The following RELN variants were observed in gnomAD, a reference collection of about 807,000 sequenced individuals.
The protein encoded by RELN is reelin.
A neutral mutation model predicts 427.6 loss-of-function variants in RELN; 108 were observed. That is an observed-to-expected ratio of 0.25 (90% CI 0.22 to 0.30). RELN has a LOEUF of 0.30. Ranked by LOEUF, RELN falls within the 10% of genes least tolerant of loss-of-function variation. RELN has a pLI of 1.00. For synonymous variants in RELN, 1,524 were observed against 1,513.4 expected, an observed-to-expected ratio of 1.01 and a Z score of -0.16; for missense variants, 3,715 against 4,302.8, an observed-to-expected ratio of 0.86 and a Z score of 3.82.
At chr7:103,758,949 G>A (rs1791228108) in intron 4 of RELN, among the ~76,000 whole-genome samples, 1 of 151,872 alleles carries the variant, frequency 6.6e-6, no homozygotes, top group Admixed American at 6.6e-5. Flanking sequence ...AGATGCTTGA[G>A]TATTATTAAG....
At chr7:103,629,043 G>A (rs1408882702) in intron 20 of RELN, among the ~76,000 whole-genome samples, 2 of 152,174 alleles carry the variant, frequency 1.3e-5, no homozygotes, top group African/African-American at 4.8e-5. Context: ...TGTGTGCACT[G>A]CAGTTTCCTG....
intron 3 of RELN, among the ~76,000 whole-genome samples, chr7:103,807,632 G>T (rs560091195): frequency 7.9e-5 from 12 of 152,038 alleles, no homozygotes; most frequent in African/African-American, 2.9e-4. Flanking sequence ...CTCTCAAGCA[G>T]TCCCCAGTGT....
chr7:103,610,542 T>C (rs765060948), intron 22 of RELN, among the ~76,000 whole-genome samples, 153 bp downstream of exon 22: 1 of 152,204 alleles, frequency 6.6e-6, no homozygotes, highest in Non-Finnish European at 1.5e-5. Flanking sequence ...AAGGTTTTGG[T>C]CTTTTGATAA....
chr7:103,965,917 T>A (rs569640195), intron 1 of RELN, among the ~76,000 whole-genome samples: 32 of 152,324 alleles, frequency 2.1e-4, no homozygotes, highest in African/African-American at 7.0e-4. Flanking sequence ...ATTTGAATTA[T>A]TCATAGCTAT....
chr7:103,533,462 CATATTGTTCTA>C (rs66658218), intron 46 of RELN, among the ~76,000 whole-genome samples: 25,928 of 151,944 alleles, frequency 0.17, 3,164 homozygotes, highest in African/African-American at 0.34. Flanking sequence ...CTGAGACTGG[CATATTGTTCTA>C]ATGATCTTTG....
intron 38 of RELN, 44 bp from the exon 39 acceptor site, chr7:103,553,875 T>C (rs1562887825): frequency 1.3e-6 from 2 of 1,521,958 alleles, no homozygotes; most frequent in South Asian, 2.2e-5. Flanking sequence ...GTGATGAAAA[T>C]CAAATGAACA....
intron 3 of RELN, among the ~76,000 whole-genome samples, chr7:103,796,880 AAAAAAAAAAAAAAAG>A (rs1792312038): frequency 7.1e-6 from 1 of 141,468 alleles, no homozygotes; most frequent in Non-Finnish European, 1.5e-5. Flanking sequence ...TCTCACAAAA[AAAAAAAAAAAAAAAG>A]AAAGAAAGAA....
chr7:103,961,461 T>C (rs1338438204), intron 1 of RELN, among the ~76,000 whole-genome samples: 1 of 152,136 alleles, frequency 6.6e-6, no homozygotes, highest in Non-Finnish European at 1.5e-5. Flanking sequence ...GGCAAGACAA[T>C]ACTAAAAAAG....
In RELN at chr7:103,577,978, C is replaced by G. The variant is rs147118592; in HGVS notation, c.4146-2273G>C. Among the ~76,000 whole-genome samples, 548 of 152,286 alleles carry G rather than the reference C, an allele frequency of 3.6e-3. 12 individuals are homozygous for G. Among genetic ancestry groups the G allele is most frequent in the Admixed American group, 0.026 (393 of 15,298 alleles). On this transcript the variant is annotated intron_variant, in intron 28 of 64. Transcript: ENST00000428762. ...GGGCAAGATGAGGGCATCTCTCCAT[C>G]AGCTGCCCCATTTCATGGAAGAAGC...
At chr7:103,588,406 G>C (rs899466404) in intron 28 of RELN, among the ~76,000 whole-genome samples, 12 of 152,040 alleles carry the variant, frequency 7.9e-5, no homozygotes, top group Non-Finnish European at 1.8e-4. Flanking sequence ...AGGGAGGGAG[G>C]AGGATGAAAA....
intron 2 of RELN, among the ~76,000 whole-genome samples, chr7:103,886,024 G>T (rs1295967362): frequency 6.6e-6 from 1 of 152,112 alleles, no homozygotes; most frequent in Non-Finnish European, 1.5e-5. Context: ...AACGGTGAAA[G>T]TAAATAGATC....
intron 8 of RELN, among the ~76,000 whole-genome samples, chr7:103,705,918 T>C (rs1327889563): frequency 6.6e-6 from 1 of 152,238 alleles, no homozygotes; most frequent in Non-Finnish European, 1.5e-5. Context: ...TTTAATGAAC[T>C]TTAGCTATGA....
chr7:103,561,837 C>G lies in RELN; in HGVS notation c.5327G>C (p.Gly1776Ala), dbSNP rs2117178459. 4.3e-6 allele frequency: 7 copies of G among 1,613,816 alleles called. No homozygotes were observed. In the East Asian group the frequency reaches 1.1e-4, roughly 26 times the overall value. ...SGCPWMCSGRGICDAGRCVCD... is the reference protein window; with the variant it reads ...SGCPWMCSGRAICDAGRCVCD... ...CACACAGCGTCCAGCATCACAAATCCCTCGTCCTGAGCACATCCAAGGGCA... is the reference window on the plus strand; with the variant it reads ...CACACAGCGTCCAGCATCACAAATCGCTCGTCCTGAGCACATCCAAGGGCA... The change falls in exon 35 of 65, where the codon GGG (glycine) becomes GCG (alanine). Residue 1776 changes from glycine (G) to alanine (A), a missense_variant. This residue lies in a region of RELN where 2,208 missense variants were observed against 2,361.7 expected (regional missense o/e 0.93). Coordinates refer to ENST00000428762, the MANE Select transcript of RELN (RefSeq NM_005045.4).
chr7:103,564,026 G>A (rs927973100), intron 34 of RELN, among the ~76,000 whole-genome samples: 5 of 152,174 alleles, frequency 3.3e-5, no homozygotes, highest in Non-Finnish European at 5.9e-5. Context: ...TATCACCATC[G>A]TTAAGTGATG....
chr7:103,593,123 A>C (rs1332822743), intron 27 of RELN, among the ~76,000 whole-genome samples: 1 of 152,212 alleles, frequency 6.6e-6, no homozygotes, highest in South Asian at 2.1e-4. Context: ...TATTATAAAC[A>C]CAATGAAATT....
At chr7:103,601,165 C>T (rs1003070572) in intron 24 of RELN, among the ~76,000 whole-genome samples, 1 of 151,944 alleles carries the variant, frequency 6.6e-6, no homozygotes, top group Non-Finnish European at 1.5e-5. Flanking sequence ...TGTCTGAGTA[C>T]ATACTGGTAA....
At chr7:103,683,470 A>G (rs576211868) in intron 10 of RELN, among the ~76,000 whole-genome samples, 268 of 152,302 alleles carry the variant, frequency 1.8e-3, no homozygotes, top group Non-Finnish European at 2.0e-3. Flanking sequence ...ACCACATAAC[A>G]ATGTTTCAGT....
intron 2 of RELN, 112 bp downstream of exon 2, chr7:103,916,963 T>G (rs1795494532): frequency 4.7e-6 from 4 of 850,836 alleles, no homozygotes; most frequent in Non-Finnish European, 6.0e-6. Flanking sequence ...CACTTCAGAT[T>G]ATTTTCTTGG....
At chr7:103,637,916 T>C (rs1832617515) in intron 17 of RELN, among the ~76,000 whole-genome samples, 1 of 152,206 alleles carries the variant, frequency 6.6e-6, no homozygotes, top group Admixed American at 6.5e-5. Flanking sequence ...ATGTGTCTTC[T>C]CAGGACAAGT....
Sources: gnomAD v4.1 joint callset for allele counts (sites outside exome capture counted in the v4.1 genomes callset) on GRCh38, gnomAD v4.1.1 for gene constraint, gnomAD v4.1.1 regional missense constraint, MANE v1.5 for transcripts, NCBI Gene and HGNC (gene_info 2026-07-23, HGNC 2026-07-21) for gene names.